PRR16: variants seen among roughly 807,000 people sequenced by gnomAD.
The protein encoded by PRR16 is proline rich 16, also known as protein Largen.
A neutral mutation model predicts 18.2 loss-of-function variants in PRR16; 6 were observed. The observed-to-expected ratio is 0.33, with a 90% CI of 0.18 to 0.65. The LOEUF is 0.65. Among genes scored for constraint, PRR16 ranks in the 30% least tolerant of loss-of-function variants. The pLI, the probability that PRR16 is intolerant of heterozygous loss-of-function variation, is 0.74. For synonymous variants in PRR16, 151 were observed against 147.8 expected (o/e 1.02, Z -0.16); for missense variants, 412 against 376.6 (o/e 1.09, Z -0.78).
At chr5:120,697,997 G>A in the PRR16 span, among the ~76,000 whole-genome samples, 36 of 152,180 alleles carry the variant, frequency 2.4e-4, no homozygotes, top group African/African-American at 7.7e-4. Context: ...GCAAGTCACA[G>A]GGGATGCGAT....
the PRR16 span, among the ~76,000 whole-genome samples, chr5:120,767,964 TAC>T: frequency 6.6e-6 from 1 of 151,828 alleles, no homozygotes; most frequent in East Asian, 1.9e-4. Context: ...CTTAAAAGGG[TAC>T]AGTGTTTCTC....
the PRR16 span, among the ~76,000 whole-genome samples, chr5:120,746,351 G>C: frequency 6.6e-6 from 1 of 151,978 alleles, no homozygotes; most frequent in African/African-American, 2.4e-5. Context: ...ACTTTCTTCT[G>C]AAGTTATAAT....
intron 1 of PRR16, among the ~76,000 whole-genome samples, chr5:120,668,880 C>T (rs961750247): frequency 6.6e-6 from 1 of 152,098 alleles, no homozygotes; most frequent in Non-Finnish European, 1.5e-5. Context: ...CTCTGGCTGC[C>T]CTTAACATTT....
intron 1 of PRR16, among the ~76,000 whole-genome samples, chr5:120,596,322 G>C (rs1449165): frequency 0.65 from 98,006 of 151,220 alleles, 33,332 homozygotes; most frequent in East Asian, 0.85. Context: ...CAGTCCCCAG[G>C]GTGAAGTTAA....
the PRR16 span, among the ~76,000 whole-genome samples, chr5:120,743,602 G>T: frequency 0.1 from 15,823 of 151,988 alleles, 1,036 homozygotes; most frequent in African/African-American, 0.18. Flanking sequence ...AATTACTTGA[G>T]ATATATTTTA....
At chr5:120,622,552 C>T (rs1754723877) in intron 1 of PRR16, among the ~76,000 whole-genome samples, 1 of 151,970 alleles carries the variant, frequency 6.6e-6, no homozygotes, top group Admixed American at 6.6e-5. Context: ...GATCTTGGCT[C>T]ACTGCAACCT....
At chr5:120,488,910 C>A (rs1282278043) in intron 1 of PRR16, among the ~76,000 whole-genome samples, 2 of 151,996 alleles carry the variant, frequency 1.3e-5, no homozygotes, top group African/African-American at 4.8e-5. Flanking sequence ...CATTATGTAC[C>A]CAGTAGTCAT....
chr5:120,739,613 TACA>T, the PRR16 span, among the ~76,000 whole-genome samples: 4 of 152,306 alleles, frequency 2.6e-5, no homozygotes, highest in South Asian at 8.3e-4. Flanking sequence ...TTTTACATTG[TACA>T]TAGGACGTCA....
chr5:120,472,834 T>A (rs563007585), intron 1 of PRR16, among the ~76,000 whole-genome samples: 17 of 152,178 alleles, frequency 1.1e-4, no homozygotes, highest in Admixed American at 3.9e-4. Flanking sequence ...TGTAGAATGC[T>A]TGTGTGTCTG....
At chr5:120,525,077 C>T (rs1253110338) in intron 1 of PRR16, among the ~76,000 whole-genome samples, 3 of 152,054 alleles carry the variant, frequency 2.0e-5, no homozygotes, top group Admixed American at 1.3e-4. Context: ...TAGAAGGCAA[C>T]TTGTCCTGGC....
At chr5:120,535,916 A>G (rs1347285502) in intron 1 of PRR16, among the ~76,000 whole-genome samples, 1 of 152,220 alleles carries the variant, frequency 6.6e-6, no homozygotes, top group Non-Finnish European at 1.5e-5. Context: ...CAGCCTGGGC[A>G]ATATAGTGAG....
intron 1 of PRR16, among the ~76,000 whole-genome samples, chr5:120,658,737 G>A (rs918113659): frequency 7.2e-5 from 11 of 151,880 alleles, no homozygotes; most frequent in Admixed American, 2.0e-4. Context: ...GAGTCCCTAC[G>A]TAAATAAATC....
At chr5:120,599,967 A>G (rs1394201297) in intron 1 of PRR16, among the ~76,000 whole-genome samples, 3 of 151,942 alleles carry the variant, frequency 2.0e-5, no homozygotes, top group Non-Finnish European at 2.9e-5. Context: ...TCACCTGTGA[A>G]TGACTCAAAT....
intron 1 of PRR16, among the ~76,000 whole-genome samples, chr5:120,605,731 T>C (rs1238805615): frequency 3.3e-5 from 5 of 152,198 alleles, no homozygotes; most frequent in African/African-American, 9.7e-5. Flanking sequence ...GATTGTGATA[T>C]CAGTTGGGTT....
chr5:120,771,393 C>G, the PRR16 span, among the ~76,000 whole-genome samples: 1 of 151,994 alleles, frequency 6.6e-6, no homozygotes, highest in Admixed American at 6.6e-5. Flanking sequence ...AGAGAATAGC[C>G]TAAGAGATGA....
the PRR16 span, among the ~76,000 whole-genome samples, chr5:120,700,243 A>C: frequency 6.6e-6 from 1 of 152,264 alleles, no homozygotes; most frequent in East Asian, 1.9e-4. Flanking sequence ...GGGCATTGTC[A>C]GGAGAGTTTA....
At chr5:120,567,331 C>T (rs1393354824) in intron 1 of PRR16, among the ~76,000 whole-genome samples, 1 of 152,112 alleles carries the variant, frequency 6.6e-6, no homozygotes, top group East Asian at 1.9e-4. Flanking sequence ...GACTTCTTAT[C>T]TGAGAGACTG....
chr5:120,485,827 G>T (rs1017101419), intron 1 of PRR16, among the ~76,000 whole-genome samples: 1 of 152,040 alleles, frequency 6.6e-6, no homozygotes, highest in Non-Finnish European at 1.5e-5. Flanking sequence ...AGTCCCCAGA[G>T]TGTGATGTTC....
At chr5:120,712,527 T>C in the PRR16 span, among the ~76,000 whole-genome samples, 4 of 152,156 alleles carry the variant, frequency 2.6e-5, no homozygotes, top group South Asian at 4.1e-4. Flanking sequence ...ACCTTACAGA[T>C]TGGGAAAAAT....
Sources: allele counts gnomAD v4.1 joint callset (sites outside exome capture counted in the v4.1 genomes callset), GRCh38; gene constraint gnomAD v4.1.1; transcripts MANE v1.5; gene names NCBI Gene and HGNC (gene_info 2026-07-23, HGNC 2026-07-21).